The following REEP1 variants were observed in gnomAD, a reference collection of about 807,000 sequenced individuals.
REEP1 encodes the protein receptor expression-enhancing protein 1.
A neutral mutation model predicts 40.3 loss-of-function variants in REEP1; 22 were observed. The ratio of observed to expected loss-of-function variants is 0.55; its 90% CI spans 0.39 to 0.78. The LOEUF is 0.78. Ranked by LOEUF, REEP1 falls within the 30% of genes least tolerant of loss-of-function variation. The probability of loss-of-function intolerance (pLI) is 0.00; values close to 1 mark genes in which losing one functional copy is unlikely to be tolerated. For synonymous variants in REEP1, 116 were observed against 139.2 expected (o/e 0.83, Z 1.17); for missense variants, 280 against 361.1 (o/e 0.78, Z 1.82).
chr2:86,231,976 A>G (rs1349681247), intron 6 of REEP1, among the ~76,000 whole-genome samples: 9 of 152,162 alleles, frequency 5.9e-5, no homozygotes, highest in African/African-American at 2.2e-4. Context: ...CAGTCCCAAT[A>G]CCAGCAATCC....
chr2:86,221,206 T>TA (rs1212415241), intron 7 of REEP1, among the ~76,000 whole-genome samples: 3 of 151,744 alleles, frequency 2.0e-5, no homozygotes, highest in South Asian at 4.2e-4. Flanking sequence ...AGGCGTGGAG[T>TA]AAAAAAACAG....
At chr2:86,305,495 A>G (rs1157161160) in intron 1 of REEP1, among the ~76,000 whole-genome samples, 2 of 152,134 alleles carry the variant, frequency 1.3e-5, no homozygotes, top group East Asian at 1.9e-4. Flanking sequence ...CCTTAAGCCA[A>G]TTTCCCTATT....
At chr2:86,321,682 TTAGAC>T (rs1680274590) in intron 1 of REEP1, among the ~76,000 whole-genome samples, 1 of 152,222 alleles carries the variant, frequency 6.6e-6, no homozygotes, top group African/African-American at 2.4e-5. Flanking sequence ...AATTTACCAC[TTAGAC>T]TAAAGACCAA....
chr2:86,275,043 T>C (rs1677678778), intron 2 of REEP1, among the ~76,000 whole-genome samples: 1 of 152,202 alleles, frequency 6.6e-6, no homozygotes, highest in South Asian at 2.1e-4. Context: ...CTTTGGACTC[T>C]GCTCTAACCA....
intron 2 of REEP1, among the ~76,000 whole-genome samples, chr2:86,277,779 T>C (rs1473043416): frequency 6.6e-6 from 1 of 152,236 alleles, no homozygotes; most frequent in Non-Finnish European, 1.5e-5. Context: ...TCCTGTGGAA[T>C]GCTAGGTGTC....
intron 1 of REEP1, among the ~76,000 whole-genome samples, chr2:86,295,796 C>T (rs1678953243): frequency 6.6e-6 from 1 of 152,222 alleles, no homozygotes; most frequent in Non-Finnish European, 1.5e-5. Context: ...GCCTTGGCCT[C>T]CCAAGGTGCT....
At position 86,306,013 on chromosome 2, in the gene REEP1, A is replaced by G. The variant is rs1427064115; in HGVS notation, c.33-23771T>C. Among the ~76,000 whole-genome samples, 4 of 152,120 alleles carry G rather than the reference A, an allele frequency of 2.6e-5. No homozygotes were observed. In the East Asian group the frequency reaches 7.7e-4, roughly 29 times the overall value. The stretch of plus-strand genomic sequence containing the variant: ...AAGTCTTATGTGGACATATGTTTTC[A>G]TTTTGCTATGAAAGAGGATAAGTAT... On this transcript the variant is annotated intron_variant, in intron 1 of 8. Transcript: ENST00000538924.
chr2:86,217,041 AC>A lies in REEP1; in HGVS notation c.852del (p.Ter285GlufsTer2). ...CCGGTGCTGTTGGCTCATCTCACTC[AC>A]GTGGTTTCGGTGGCCGAGGATGAGG... ...KSTSSSATET[T>X] On this transcript the variant is annotated frameshift_variant, in exon 9 of 9. Coordinates refer to ENST00000538924, the MANE Select transcript of REEP1 (RefSeq NM_001371279.1). LOFTEE classifies it high-confidence loss of function. The A allele has an allele frequency of 1.2e-6, 2 of 1,612,562 alleles. No homozygotes were observed. The highest frequency in any genetic ancestry group is 1.7e-6 in the Non-Finnish European group (2 of 1,179,056).
At chr2:86,304,431 AG>A (rs1679394106) in intron 1 of REEP1, among the ~76,000 whole-genome samples, 1 of 152,134 alleles carries the variant, frequency 6.6e-6, no homozygotes, top group Non-Finnish European at 1.5e-5. Flanking sequence ...GCAGACTCTC[AG>A]GGTGGGAGGG....
intron 1 of REEP1, among the ~76,000 whole-genome samples, chr2:86,286,742 T>A (rs1478197403): frequency 6.6e-6 from 1 of 152,180 alleles, no homozygotes; most frequent in Non-Finnish European, 1.5e-5. Flanking sequence ...AGGGCATAAC[T>A]ACAAGCTGTG....
intron 5 of REEP1, among the ~76,000 whole-genome samples, chr2:86,236,375 T>C (rs1198028821): frequency 6.6e-6 from 1 of 152,254 alleles, no homozygotes; most frequent in Admixed American, 6.5e-5. Context: ...TAGACCATTG[T>C]CTTCTGGGAA....
At chr2:86,309,667 C>T (rs765018935) in intron 1 of REEP1, among the ~76,000 whole-genome samples, 1 of 152,172 alleles carries the variant, frequency 6.6e-6, no homozygotes, top group African/African-American at 2.4e-5. Flanking sequence ...AGACAGCCAG[C>T]TTTTGGCTGT....
Position 86,255,044 on chromosome 2 carries a change from A to G in REEP1, c.183-230T>C. On this transcript the variant is annotated intron_variant, in intron 3 of 8. Coordinates refer to ENST00000538924, the MANE Select transcript of REEP1 (RefSeq NM_001371279.1). ...CAGTTCGTGTTTTCTTTTGTTGCCA[A>G]AGCAAACCAGGAACACAGGTTCTCT... The G allele has an allele frequency of 1.3e-5, 6 of 475,678 alleles. No homozygotes were observed. In the South Asian group the frequency reaches 1.6e-4, roughly 13 times the overall value. The allele number at this position is 475,678 out of a possible 1,614,324, so 29.5% of individuals were successfully genotyped here. A position where few individuals can be genotyped will look rare whatever the true frequency, so the allele number is the denominator to read the frequency against.
In REEP1 at chr2:86,257,826, C is replaced by T. The variant is rs183745708; in HGVS notation, c.183-3012G>A. ...CTAATTTTTGTATTTTTAGTAGAGA[C>T]GGGGGTTTCACCATGTTGGCCAGGC... is the stretch of plus-strand genomic sequence containing the variant. On this transcript the variant is annotated intron_variant, in intron 3 of 8. Transcript: ENST00000538924. Among the ~76,000 whole-genome samples the T allele has an allele frequency of 3.5e-3, 528 of 152,008 alleles. 4 individuals carry two copies. The highest frequency in any genetic ancestry group is 0.011 in the African/African-American group (475 of 41,482).
At chr2:86,217,761 G>A (rs1674204033) in intron 8 of REEP1, among the ~76,000 whole-genome samples, 1 of 141,734 alleles carries the variant, frequency 7.1e-6, no homozygotes, top group Non-Finnish European at 1.5e-5. Flanking sequence ...ATGCTCCTAT[G>A]AGCATGACCT....
At chr2:86,224,478 G>A (rs554410611) in intron 7 of REEP1, among the ~76,000 whole-genome samples, 9 of 152,334 alleles carry the variant, frequency 5.9e-5, no homozygotes, top group African/African-American at 2.2e-4. Context: ...CCTGCAGAGT[G>A]CAGGGGCTTT....
rs980200021 is a variant in REEP1, at chr2:86,223,674, C to G, written c.632-3553G>C. 2.6e-5 allele frequency: 4 copies of G among 152,314 alleles called. No homozygotes were observed. In the East Asian group the frequency reaches 7.7e-4, roughly 29 times the overall value. The allele number at this position is 152,314 out of a possible 1,614,324, so 9.4% of individuals were successfully genotyped here. The stretch of plus-strand genomic sequence containing the variant: ...CACTCACTTCCCATGCTCTAAACCT[C>G]AGGCAGCTCCTCCTGCTATAATCAG... On this transcript the variant is annotated intron_variant, in intron 7 of 8. Transcript: ENST00000538924.
intron 7 of REEP1, among the ~76,000 whole-genome samples, chr2:86,221,434 A>G (rs1248888878): frequency 1.3e-5 from 2 of 152,008 alleles, no homozygotes; most frequent in Non-Finnish European, 2.9e-5. Flanking sequence ...CCCTCAGCTT[A>G]TTTACTCTGG....
chr2:86,320,350 C>G (rs1329730543), intron 1 of REEP1, among the ~76,000 whole-genome samples: 2 of 152,054 alleles, frequency 1.3e-5, no homozygotes, highest in African/African-American at 4.8e-5. Context: ...TGGTAGTGTC[C>G]CTAGACACCT....
Sources: allele counts gnomAD v4.1 joint callset (sites outside exome capture counted in the v4.1 genomes callset), GRCh38; gene constraint gnomAD v4.1.1; transcripts MANE v1.5; gene names NCBI Gene and HGNC (gene_info 2026-07-23, HGNC 2026-07-21).